PTPRG: variants seen among roughly 807,000 people sequenced by gnomAD.
PTPRG encodes protein tyrosine phosphatase receptor type G, also known as receptor-type tyrosine-protein phosphatase gamma.
In PTPRG, 102 loss-of-function variants were observed where a neutral mutation model predicts 165.3. That is an observed-to-expected ratio of 0.62 (90% CI 0.53 to 0.73). PTPRG has a LOEUF of 0.73. Among genes scored for constraint, PTPRG ranks in the 30% least tolerant of loss-of-function variants. The pLI is 0.00. For synonymous variants in PTPRG, 675 were observed against 669.5 expected, an observed-to-expected ratio of 1.01 and a Z score of -0.13; for missense variants, 1,866 against 1,861.4, an observed-to-expected ratio of 1.00 and a Z score of -0.05.
At chr3:61,875,123 C>G (rs1215015918) in intron 2 of PTPRG, among the ~76,000 whole-genome samples, 1 of 152,178 alleles carries the variant, frequency 6.6e-6, no homozygotes, top group Admixed American at 6.5e-5. Flanking sequence ...ATCTTTTGCT[C>G]TAGCTTTTGA....
intron 4 of PTPRG, among the ~76,000 whole-genome samples, chr3:62,005,996 C>A (rs750699400): frequency 5.9e-5 from 9 of 152,094 alleles, no homozygotes; most frequent in Non-Finnish European, 1.3e-4. Context: ...AGCCACCGTA[C>A]CTGGCCAGAG....
chr3:61,672,744 GAGGGA>G (rs1703064088), intron 1 of PTPRG, among the ~76,000 whole-genome samples: 13 of 134,000 alleles, frequency 9.7e-5, no homozygotes, highest in African/African-American at 4.5e-4. Flanking sequence ...GGGAGAGGGA[GAGGGA>G]GAGGGAGAGG....
chr3:61,963,541 A>G (rs1325636547), intron 2 of PTPRG, among the ~76,000 whole-genome samples: 1 of 152,210 alleles, frequency 6.6e-6, no homozygotes, highest in African/African-American at 2.4e-5. Flanking sequence ...TTATGAGACT[A>G]CCAAGTTAAG....
chr3:62,180,152 A>C, intron 8 of PTPRG, among the ~76,000 whole-genome samples: 1 of 152,200 alleles, frequency 6.6e-6, no homozygotes, highest in South Asian at 2.1e-4. Context: ...ATTTCTATAA[A>C]ATCCCAGCTA....
At chr3:61,800,377 A>T (rs2035194693) in intron 2 of PTPRG, among the ~76,000 whole-genome samples, 1 of 152,118 alleles carries the variant, frequency 6.6e-6, no homozygotes, top group Non-Finnish European at 1.5e-5. Context: ...GCACTAGTAG[A>T]GGATAAAGAG....
intron 2 of PTPRG, among the ~76,000 whole-genome samples, chr3:61,801,584 CATA>C (rs1391755133): frequency 2.4e-4 from 37 of 152,028 alleles, no homozygotes; most frequent in African/African-American, 7.2e-4. Flanking sequence ...CGGCTTGTGT[CATA>C]ATGGAAAAAA....
chr3:61,611,857 T>G (rs1187418586), intron 1 of PTPRG, among the ~76,000 whole-genome samples: 2 of 152,212 alleles, frequency 1.3e-5, no homozygotes, highest in Admixed American at 6.5e-5. Flanking sequence ...TTTAAAAAAC[T>G]ATTTAAAAAT....
intron 2 of PTPRG, among the ~76,000 whole-genome samples, chr3:61,823,484 G>A (rs1377442465): frequency 6.6e-6 from 1 of 151,912 alleles, no homozygotes; most frequent in African/African-American, 2.4e-5. Context: ...ACCAGGCCTG[G>A]CCGCACAGGG....
intron 1 of PTPRG, among the ~76,000 whole-genome samples, chr3:61,672,527 G>A (rs1348771372): frequency 1.3e-5 from 2 of 149,294 alleles, no homozygotes; most frequent in East Asian, 2.0e-4. Context: ...AGACCAGCCC[G>A]GCCAACACAG....
chr3:61,889,761 A>G (rs74548358), intron 2 of PTPRG, among the ~76,000 whole-genome samples: 1,897 of 152,260 alleles, frequency 0.012, 24 homozygotes, highest in South Asian at 0.034. Flanking sequence ...TTCTTAAACT[A>G]TTTCCATCCT....
At chr3:61,683,271 T>C (rs1327539120) in intron 1 of PTPRG, among the ~76,000 whole-genome samples, 2 of 152,214 alleles carry the variant, frequency 1.3e-5, no homozygotes, top group Non-Finnish European at 2.9e-5. Context: ...CTGGAAACTC[T>C]GGGTAAGGCC....
intron 2 of PTPRG, chr3:61,926,032 A>G (rs1224266514): frequency 2.2e-6 from 1 of 444,974 alleles, no homozygotes. Flanking sequence ...TCCTGTAACT[A>G]CTATATCAGA....
chr3:62,042,967 C>T (rs758544275), intron 4 of PTPRG, among the ~76,000 whole-genome samples: 19 of 152,142 alleles, frequency 1.2e-4, no homozygotes, highest in Non-Finnish European at 2.4e-4. Flanking sequence ...CTTTTACTTA[C>T]GTACAATTAA....
At chr3:62,290,009 G>T (rs1576232479) in intron 28 of PTPRG, among the ~76,000 whole-genome samples, 1 of 151,854 alleles carries the variant, frequency 6.6e-6, no homozygotes. Context: ...ACTTAAGCAG[G>T]GTTCTTCTGT....
intron 26 of PTPRG, among the ~76,000 whole-genome samples, chr3:62,278,277 G>C (rs1274018987): frequency 6.6e-6 from 1 of 150,714 alleles, no homozygotes; most frequent in African/African-American, 2.5e-5. Context: ...AGTACTAATA[G>C]TGAATTTTTT....
intron 2 of PTPRG, among the ~76,000 whole-genome samples, chr3:61,986,257 C>A (rs1031404418): frequency 2.0e-5 from 3 of 152,006 alleles, no homozygotes; most frequent in Admixed American, 2.0e-4. Context: ...TGTATGTGAG[C>A]CCCTGTGATA....
At position 62,210,984 on chromosome 3, in the gene PTPRG, ATGT is replaced by A. The variant is rs1700345771; in HGVS notation, c.2155+7040_2155+7042del. On this transcript the variant is annotated intron_variant, in intron 12 of 29. Coordinates refer to ENST00000474889, the MANE Select transcript of PTPRG (RefSeq NM_002841.4). The surrounding 1 kb of genome is among the most constrained non-coding windows in gnomAD (Gnocchi z 4.1). Reference sequence around the variant, plus strand: ...TCAGGGATTAGCACCCCTAATGCCTATGTTGTTGGTGGGTTAACTGTATGCCCA... The same window carrying A: ...TCAGGGATTAGCACCCCTAATGCCTATGTTGGTGGGTTAACTGTATGCCCA... Among the ~76,000 whole-genome samples the A allele has an allele frequency of 6.6e-6, 1 of 152,212 alleles. No homozygotes were observed. Among genetic ancestry groups the A allele is most frequent in the South Asian group, 2.1e-4 (1 of 4,834 alleles).
chr3:62,110,359 A>G (rs1290812820), intron 5 of PTPRG, among the ~76,000 whole-genome samples: 2 of 152,052 alleles, frequency 1.3e-5, no homozygotes, highest in Non-Finnish European at 1.5e-5. Context: ...TCAATAATTG[A>G]TTTTAGTCTG....
chr3:62,018,905 A>G (rs1263617457), intron 4 of PTPRG, among the ~76,000 whole-genome samples: 1 of 152,166 alleles, frequency 6.6e-6, no homozygotes, highest in Non-Finnish European at 1.5e-5. Flanking sequence ...CCAGTGCTAG[A>G]GGAAATGATT....
Sources: gnomAD v4.1 joint callset for allele counts (sites outside exome capture counted in the v4.1 genomes callset) on GRCh38, gnomAD v4.1.1 for gene constraint, Gnocchi (gnomAD v3.1) non-coding constraint, MANE v1.5 for transcripts, NCBI Gene and HGNC (gene_info 2026-07-23, HGNC 2026-07-21) for gene names.